AGBL4: variants seen among roughly 807,000 people sequenced by gnomAD.
The protein encoded by AGBL4 is cytosolic carboxypeptidase 6.
Under a neutral mutation model 66.4 loss-of-function variants are expected in AGBL4, and 58 were observed. The observed-to-expected ratio is 0.87, with a 90% CI of 0.71 to 1.09. The LOEUF (loss-of-function observed/expected upper bound fraction) is 1.09, where lower values mean the gene tolerates loss of function less well. AGBL4 is among the 50% of genes least tolerant of loss of function. The pLI is 0.00. For missense variants in AGBL4, 579 were observed against 631.0 expected (o/e 0.92, Z 0.88); for synonymous variants, 234 against 222.9 (o/e 1.05, Z -0.44).
intron 5 of AGBL4, among the ~76,000 whole-genome samples, chr1:49,005,973 C>T (rs1661755712): frequency 6.6e-6 from 1 of 152,090 alleles, no homozygotes; most frequent in African/African-American, 2.4e-5. Flanking sequence ...TGCACTCCAG[C>T]CTAGGCGACA....
intron 3 of AGBL4, among the ~76,000 whole-genome samples, chr1:49,669,692 T>C (rs1287667355): frequency 1.3e-5 from 2 of 152,164 alleles, no homozygotes. Context: ...TTATCTACCA[T>C]GTACCAGATA....
intron 6 of AGBL4, among the ~76,000 whole-genome samples, chr1:48,742,946 G>C (rs1934393): frequency 0.59 from 90,230 of 152,088 alleles, 29,932 homozygotes; most frequent in Non-Finnish European, 0.77. Context: ...AATGTCACAA[G>C]GGAAAAGGTG....
At chr1:49,171,657 A>C (rs1001714618) in intron 4 of AGBL4, among the ~76,000 whole-genome samples, 3 of 152,168 alleles carry the variant, frequency 2.0e-5, no homozygotes, top group African/African-American at 7.2e-5. Context: ...CTTACATGCC[A>C]ATTCAGAAAG....
intron 3 of AGBL4, among the ~76,000 whole-genome samples, chr1:49,259,282 A>T (rs1420180704): frequency 6.6e-6 from 1 of 152,124 alleles, no homozygotes; most frequent in Non-Finnish European, 1.5e-5. Context: ...CTTCATAATG[A>T]CAGGATCAAA....
chr1:49,358,411 A>G (rs952475078), intron 3 of AGBL4, among the ~76,000 whole-genome samples: 5 of 152,120 alleles, frequency 3.3e-5, no homozygotes, highest in African/African-American at 9.6e-5. Context: ...AGCACCAGAA[A>G]AAAAAAAAAT....
intron 1 of AGBL4, among the ~76,000 whole-genome samples, chr1:49,983,847 T>C (rs1019298665): frequency 3.9e-5 from 6 of 152,208 alleles, no homozygotes; most frequent in Non-Finnish European, 8.8e-5. Flanking sequence ...TCCCAATCAC[T>C]GACTGAATGG....
intron 3 of AGBL4, among the ~76,000 whole-genome samples, chr1:49,593,265 G>A (rs1644787568): frequency 6.6e-6 from 1 of 152,030 alleles, no homozygotes; most frequent in African/African-American, 2.4e-5. Context: ...AAATTAGCCG[G>A]GTGTGGTGGC....
At chr1:48,726,826 C>A (rs973479536) in intron 6 of AGBL4, among the ~76,000 whole-genome samples, 1 of 152,210 alleles carries the variant, frequency 6.6e-6, no homozygotes. Flanking sequence ...TTATTGAACA[C>A]TTATCTCTAA....
chr1:49,518,853 G>A (rs1004050649), intron 3 of AGBL4, among the ~76,000 whole-genome samples: 4 of 151,942 alleles, frequency 2.6e-5, no homozygotes, highest in Non-Finnish European at 5.9e-5. Context: ...AATAAACTAC[G>A]ATTTAGTACA....
chr1:49,138,969 A>G (rs1215565180), intron 4 of AGBL4, among the ~76,000 whole-genome samples: 3 of 152,186 alleles, frequency 2.0e-5, no homozygotes, highest in African/African-American at 2.4e-5. Flanking sequence ...CAGGAAACTT[A>G]CAATGATGGC....
chr1:49,132,483 A>G (rs987292582), intron 4 of AGBL4, among the ~76,000 whole-genome samples: 3 of 152,118 alleles, frequency 2.0e-5, no homozygotes, highest in African/African-American at 7.2e-5. Context: ...GGAGAATTAT[A>G]TTGATTATAA....
chr1:49,895,792 C>T lies in AGBL4; in HGVS notation c.35-44274G>A, dbSNP rs1050407380. On this transcript the variant is annotated intron_variant, in intron 1 of 13. Coordinates refer to ENST00000371839, the MANE Select transcript of AGBL4 (RefSeq NM_032785.4). ...AGAATCACCTTCATGAAAAGAAACA[C>T]AGCAAGGAAAAAGAAAGGAAAAGAA... 7.3e-5 allele frequency among the ~76,000 whole-genome samples: 11 copies of T among 151,342 alleles called. No homozygotes were observed. In the East Asian group the frequency reaches 2.1e-3, roughly 29 times the overall value.
intron 3 of AGBL4, among the ~76,000 whole-genome samples, chr1:49,436,640 A>G (rs2148663028): frequency 6.6e-6 from 1 of 152,324 alleles, no homozygotes; most frequent in South Asian, 2.1e-4. Flanking sequence ...AAAAAGTGTA[A>G]CATATGTTAG....
rs202158659 is a variant in AGBL4 at position 48,958,058 on chromosome 1, C to A, written c.594+87526G>T. ...TTTTTTTAGTAGAGATGGGGTTTCACCGCGTTACCCAGGATGGTCTCGATC... is the reference window on the plus strand; with the variant it reads ...TTTTTTTAGTAGAGATGGGGTTTCAACGCGTTACCCAGGATGGTCTCGATC... On this transcript the variant is annotated intron_variant, in intron 5 of 13. Transcript: ENST00000371839. Among the ~76,000 whole-genome samples, 75 of 151,978 alleles carry A rather than the reference C, an allele frequency of 4.9e-4. No homozygotes were observed. In the East Asian group the frequency reaches 0.011, roughly 22 times the overall value.
chr1:49,500,096 T>C (rs1647997247), intron 3 of AGBL4, among the ~76,000 whole-genome samples: 1 of 152,130 alleles, frequency 6.6e-6, no homozygotes, highest in Non-Finnish European at 1.5e-5. Flanking sequence ...TATTGCATTG[T>C]GGTTTTAATT....
intron 3 of AGBL4, among the ~76,000 whole-genome samples, chr1:49,401,179 G>A (rs1181648797): frequency 1.3e-5 from 2 of 152,154 alleles, no homozygotes; most frequent in East Asian, 3.8e-4. Flanking sequence ...TAAACTCATG[G>A]CAGGAGGCAC....
intron 5 of AGBL4, among the ~76,000 whole-genome samples, chr1:49,040,486 C>T (rs1643909587): frequency 6.6e-6 from 1 of 151,962 alleles, no homozygotes; most frequent in Non-Finnish European, 1.5e-5. Flanking sequence ...TATGTCCACT[C>T]AAAGATAAGT....
At chr1:48,526,450 C>T in the AGBL4 span, among the ~76,000 whole-genome samples, 8 of 152,130 alleles carry the variant, frequency 5.3e-5, no homozygotes, top group Non-Finnish European at 1.2e-4. Flanking sequence ...GAAGACAAAG[C>T]AATCAGTACA....
At chr1:49,562,053 G>A (rs1382358292) in intron 3 of AGBL4, among the ~76,000 whole-genome samples, 4 of 152,200 alleles carry the variant, frequency 2.6e-5, no homozygotes, top group Admixed American at 6.5e-5. Context: ...TTTCTCTGAT[G>A]GCCAGTGATG....
Sources: allele counts gnomAD v4.1 joint callset (sites outside exome capture counted in the v4.1 genomes callset), GRCh38; gene constraint gnomAD v4.1.1; transcripts MANE v1.5; gene names NCBI Gene and HGNC (gene_info 2026-07-23, HGNC 2026-07-21).